Variants in CCSER2 observed in about 807,000 individuals in gnomAD.
The protein encoded by CCSER2 is coiled-coil serine rich protein 2.
In CCSER2, 46 loss-of-function variants were observed where a neutral mutation model predicts 92.3. The observed-to-expected ratio is 0.50, with a 90% CI of 0.39 to 0.64. CCSER2 has a LOEUF of 0.64. Among genes scored for constraint, CCSER2 ranks in the 30% least tolerant of loss-of-function variants. The pLI is 0.00. For synonymous variants in CCSER2, 433 were observed against 431.4 expected, an observed-to-expected ratio of 1.00 and a Z score of -0.04; for missense variants, 1,244 against 1,238.9, an observed-to-expected ratio of 1.00 and a Z score of -0.06.
chr10:84,418,867 A>G (rs749669819), intron 4 of CCSER2, among the ~76,000 whole-genome samples: 4 of 152,192 alleles, frequency 2.6e-5, no homozygotes, highest in African/African-American at 7.2e-5. Context: ...AGCTCAGGCT[A>G]TGGGACTAGC....
intron 7 of CCSER2, among the ~76,000 whole-genome samples, chr10:84,465,735 A>G (rs1189163333): frequency 1.3e-5 from 2 of 151,950 alleles, no homozygotes; most frequent in Non-Finnish European, 2.9e-5. Flanking sequence ...TTAATGCTAT[A>G]TGATAGACAT....
intron 3 of CCSER2, among the ~76,000 whole-genome samples, chr10:84,381,809 T>G (rs889034530): frequency 4.7e-5 from 7 of 149,710 alleles, no homozygotes; most frequent in Non-Finnish European, 1.0e-4. Flanking sequence ...GTGCCTGTAG[T>G]CCCAGCTACT....
chr10:84,424,892 C>T (rs1157139011), intron 4 of CCSER2: 1 of 570,292 alleles, frequency 1.8e-6, no homozygotes, highest in Non-Finnish European at 2.2e-6. Context: ...GGGCTTGCTT[C>T]CCACAGGGAG....
chr10:84,457,918 T>C (rs1423053298), intron 6 of CCSER2, among the ~76,000 whole-genome samples: 1 of 151,304 alleles, frequency 6.6e-6, no homozygotes, highest in African/African-American at 2.4e-5. Context: ...ATTTTTTGTA[T>C]TTTTTTCCGT....
At chr10:84,443,830 A>G (rs1844737378) in intron 6 of CCSER2, among the ~76,000 whole-genome samples, 1 of 152,186 alleles carries the variant, frequency 6.6e-6, no homozygotes, top group South Asian at 2.1e-4. Flanking sequence ...GGATGAGTTC[A>G]TGTCCTTTGC....
chr10:84,400,900 C>T (rs574836894), intron 3 of CCSER2, among the ~76,000 whole-genome samples: 11 of 151,836 alleles, frequency 7.2e-5, no homozygotes, highest in African/African-American at 2.2e-4. Flanking sequence ...GCAACAAAAG[C>T]GAAACTCCAT....
At chr10:84,481,550 C>T (rs192111654) in intron 9 of CCSER2, among the ~76,000 whole-genome samples, 182 of 152,186 alleles carry the variant, frequency 1.2e-3, no homozygotes, top group Admixed American at 3.5e-3. Flanking sequence ...ATTTGTGAGA[C>T]TGAACCCAGC....
At chr10:84,504,016 A>G (rs1485635383) in intron 9 of CCSER2, among the ~76,000 whole-genome samples, 7 of 152,230 alleles carry the variant, frequency 4.6e-5, no homozygotes, top group Admixed American at 6.5e-5. Context: ...GAGAGAAAGT[A>G]TGTATTTACA....
intron 2 of CCSER2, 100 bp downstream of exon 2, chr10:84,372,569 T>C (rs1846122672): frequency 1.3e-6 from 1 of 778,190 alleles, no homozygotes; most frequent in African/African-American, 1.8e-5. Context: ...ATATTATCAG[T>C]TTCACGGAGG....
chr10:84,432,918 T>G (rs1843868803), intron 5 of CCSER2, among the ~76,000 whole-genome samples: 1 of 152,252 alleles, frequency 6.6e-6, no homozygotes, highest in African/African-American at 2.4e-5. Context: ...AGTCATTCTT[T>G]TTGTTTGTAG....
At chr10:84,354,552 C>T (rs559546605) in intron 1 of CCSER2, among the ~76,000 whole-genome samples, 46 of 138,308 alleles carry the variant, frequency 3.3e-4, no homozygotes, top group African/African-American at 5.0e-4. Flanking sequence ...CCCCGCCCCC[C>T]GCCCCGCTTC....
chr10:84,365,911 T>C (rs1332586942), intron 1 of CCSER2, among the ~76,000 whole-genome samples: 1 of 152,198 alleles, frequency 6.6e-6, no homozygotes, highest in African/African-American at 2.4e-5. Context: ...AGTTTTCTTA[T>C]GTTTATACCG....
At chr10:84,406,811 C>T (rs1288183352) in intron 3 of CCSER2, among the ~76,000 whole-genome samples, 2 of 152,172 alleles carry the variant, frequency 1.3e-5, no homozygotes, top group East Asian at 1.9e-4. Flanking sequence ...TTCCGCACTG[C>T]GTGGTTTCCT....
rs71473611 is a variant in CCSER2, at chr10:84,392,316, CAA to C, written c.1614+18525_1614+18526del. Among the ~76,000 whole-genome samples, 241 of 53,836 alleles carry C rather than the reference CAA, an allele frequency of 4.5e-3. 1 individual carries two copies. The East Asian group carries it at 0.079, about 18-fold the overall frequency. The allele number at this position is 53,836 out of a possible 152,430, so 35.3% of individuals were successfully genotyped here. On this transcript the variant is annotated intron_variant, in intron 3 of 9. Transcript: ENST00000372088. Reference sequence around the variant, plus strand: ...CAACTCTGCACTGGATCTGAAGAAGCAAAAAAAAAAAAAAAAAAAAAAAAATC... The same window carrying C: ...CAACTCTGCACTGGATCTGAAGAAGCAAAAAAAAAAAAAAAAAAAAAAATC...
intron 4 of CCSER2, among the ~76,000 whole-genome samples, chr10:84,419,732 A>C (rs1345874202): frequency 6.6e-6 from 1 of 152,230 alleles, no homozygotes; most frequent in Non-Finnish European, 1.5e-5. Context: ...AGAACAAGGA[A>C]AATGACAGAA....
chr10:84,352,720 T>A (rs1055911348), intron 1 of CCSER2, among the ~76,000 whole-genome samples: 1 of 152,074 alleles, frequency 6.6e-6, no homozygotes, highest in Admixed American at 6.6e-5. Context: ...TAAAGCTATT[T>A]CTTCATCTGT....
chr10:84,375,163 T>G (rs1846260399), intron 3 of CCSER2, among the ~76,000 whole-genome samples: 1 of 152,168 alleles, frequency 6.6e-6, no homozygotes, highest in Non-Finnish European at 1.5e-5. Flanking sequence ...ACCACCTTGA[T>G]TCAGTTCATT....
intron 9 of CCSER2, among the ~76,000 whole-genome samples, chr10:84,482,411 C>G (rs1017163876): frequency 1.3e-5 from 2 of 152,146 alleles, no homozygotes; most frequent in African/African-American, 4.8e-5. Flanking sequence ...AATCAAGATT[C>G]ATTTTAAACA....
chr10:84,397,171 C>G (rs1017471916), intron 3 of CCSER2, among the ~76,000 whole-genome samples: 18 of 152,078 alleles, frequency 1.2e-4, no homozygotes, highest in African/African-American at 3.4e-4. Flanking sequence ...CTACTCTTAC[C>G]TAAAGCTTAC....
Sources: allele counts gnomAD v4.1 joint callset (sites outside exome capture counted in the v4.1 genomes callset), GRCh38; gene constraint gnomAD v4.1.1; transcripts MANE v1.5; gene names NCBI Gene and HGNC (gene_info 2026-07-23, HGNC 2026-07-21).